CLVS1: variants seen among roughly 807,000 people sequenced by gnomAD.
The protein encoded by CLVS1 is clavesin-1.
A neutral mutation model predicts 33.1 loss-of-function variants in CLVS1; 10 were observed. The ratio of observed to expected loss-of-function variants is 0.30; its 90% CI spans 0.19 to 0.51. The LOEUF (loss-of-function observed/expected upper bound fraction) is 0.51, where lower values mean the gene tolerates loss of function less well. Ranked by LOEUF, CLVS1 falls within the 20% of genes least tolerant of loss-of-function variation. The probability of loss-of-function intolerance (pLI) is 0.97; values close to 1 mark genes in which losing one functional copy is unlikely to be tolerated. For missense variants in CLVS1, 343 were observed against 433.4 expected (o/e 0.79, Z 1.85); for synonymous variants, 163 against 166.1 (o/e 0.98, Z 0.14).
intron 1 of CLVS1, among the ~76,000 whole-genome samples, chr8:61,296,198 C>T (rs35379443): frequency 6.6e-6 from 1 of 152,156 alleles, no homozygotes; most frequent in Non-Finnish European, 1.5e-5. Flanking sequence ...TGGAAAATAT[C>T]TATGTTATCC....
In CLVS1 at chr8:61,299,918, A is replaced by T. The variant is rs762094349; in HGVS notation, c.91A>T (p.Ser31Cys). The change falls in exon 2 of 6, where the codon AGT (serine) becomes TGT (cysteine). Residue 31 changes from serine (S) to cysteine (C), a missense_variant. By Grantham distance (112) the Ser-to-Cys change is moderately radical. This residue lies in a region of CLVS1 where 88 missense variants were observed against 77.3 expected (regional missense o/e 1.14). Coordinates refer to ENST00000325897, the MANE Select transcript of CLVS1 (RefSeq NM_173519.3). ...AKMTHLQAGL[S>C]PETIEKARLE... ...GATGACCCATTTACAGGCTGGACTCAGTCCAGAGACTATAGAGAAAGCTCG... is the reference window on the plus strand; with the variant it reads ...GATGACCCATTTACAGGCTGGACTCTGTCCAGAGACTATAGAGAAAGCTCG... 1.2e-6 allele frequency: 2 copies of T among 1,614,042 alleles called. No individual in the cohort carries two copies. The highest frequency in any genetic ancestry group is 8.5e-7 in the Non-Finnish European group (1 of 1,179,958).
At chr8:61,029,594 T>C in the CLVS1 span, among the ~76,000 whole-genome samples, 1 of 151,694 alleles carries the variant, frequency 6.6e-6, no homozygotes. Flanking sequence ...AAATTTCTTT[T>C]TTTTTTTATT....
intron 5 of CLVS1, among the ~76,000 whole-genome samples, chr8:61,491,701 C>T (rs1804094169): frequency 6.6e-6 from 1 of 151,930 alleles, no homozygotes; most frequent in Non-Finnish European, 1.5e-5. Flanking sequence ...TGGAGTTAGC[C>T]TGATCAAAAA....
At chr8:61,179,295 T>C (rs1807182969) in intron 2 of CLVS1, among the ~76,000 whole-genome samples, 2 of 151,934 alleles carry the variant, frequency 1.3e-5, no homozygotes, top group South Asian at 2.1e-4. Flanking sequence ...AGAAGAGCTA[T>C]CCTAAATATA....
intron 2 of CLVS1, among the ~76,000 whole-genome samples, chr8:61,329,984 G>A (rs561915664): frequency 2.0e-5 from 3 of 152,236 alleles, no homozygotes; most frequent in Admixed American, 2.0e-4. Flanking sequence ...CCTAGCCTCA[G>A]CTTTCTCCAT....
At chr8:60,978,769 C>A in the CLVS1 span, among the ~76,000 whole-genome samples, 1 of 129,210 alleles carries the variant, frequency 7.7e-6, no homozygotes, top group African/African-American at 2.9e-5. Context: ...GAGCCCAGAC[C>A]ACTGCACTCC....
intron 5 of CLVS1, among the ~76,000 whole-genome samples, chr8:61,458,872 CT>C (rs1250047600): frequency 6.6e-6 from 1 of 152,140 alleles, no homozygotes. Context: ...GAAAAACAAC[CT>C]GCTAAAAAAT....
At chr8:61,270,333 T>C (rs1290038715) in intron 2 of CLVS1, among the ~76,000 whole-genome samples, 1 of 152,254 alleles carries the variant, frequency 6.6e-6, no homozygotes, top group Non-Finnish European at 1.5e-5. Context: ...TTTGCGTATA[T>C]TGAACCAGCC....
At chr8:61,290,082 C>G (rs1332095559) in intron 1 of CLVS1, among the ~76,000 whole-genome samples, 1 of 152,200 alleles carries the variant, frequency 6.6e-6, no homozygotes, top group Non-Finnish European at 1.5e-5. Flanking sequence ...AATGGTTCAG[C>G]TCAGAAAATT....
At chr8:61,202,300 T>G in intron 2 of CLVS1, 1 of 642,868 alleles carries the variant, frequency 1.6e-6, no homozygotes, top group Admixed American at 2.5e-5. Flanking sequence ...GGAGCAGCAT[T>G]CGTTTATCTT....
chr8:61,308,797 CTA>C (rs1563488969), intron 2 of CLVS1, among the ~76,000 whole-genome samples: 1 of 152,154 alleles, frequency 6.6e-6, no homozygotes, highest in Non-Finnish European at 1.5e-5. Flanking sequence ...CCACAAGGAT[CTA>C]TGTTTGTACA....
At chr8:61,396,508 A>G (rs1814533119) in intron 3 of CLVS1, among the ~76,000 whole-genome samples, 1 of 152,048 alleles carries the variant, frequency 6.6e-6, no homozygotes, top group Non-Finnish European at 1.5e-5. Context: ...TTTAAAATTT[A>G]ATTTACTTTG....
intron 1 of CLVS1, among the ~76,000 whole-genome samples, chr8:61,077,067 ATCTAATTT>A (rs1191331076): frequency 2.6e-5 from 4 of 151,680 alleles, no homozygotes; most frequent in Non-Finnish European, 5.9e-5. Context: ...AAACCGTATG[ATCTAATTT>A]TCTTTATCTT....
chr8:61,288,112 A>C lies in CLVS1; in HGVS notation c.-178A>C. ...AGGACACCTGCAGAAATACATTCCCAAAGCAAGGCTGGGCGGCCGTGTGAA... is the reference window on the plus strand; with the variant it reads ...AGGACACCTGCAGAAATACATTCCCCAAGCAAGGCTGGGCGGCCGTGTGAA... On this transcript the variant is annotated 5_prime_UTR_variant, in exon 1 of 6. Coordinates refer to ENST00000325897, the MANE Select transcript of CLVS1 (RefSeq NM_173519.3). 2 of 456,272 alleles carry C rather than the reference A, an allele frequency of 4.4e-6. No homozygotes were observed. The highest frequency in any genetic ancestry group is 8.8e-6 in the Non-Finnish European group (2 of 226,958). The allele number at this position is 456,272 out of a possible 1,614,324, so 28.3% of individuals were successfully genotyped here. A position where few individuals can be genotyped will look rare whatever the true frequency, so the allele number is the denominator to read the frequency against.
At chr8:61,017,624 C>T in the CLVS1 span, among the ~76,000 whole-genome samples, 1 of 152,206 alleles carries the variant, frequency 6.6e-6, no homozygotes, top group Non-Finnish European at 1.5e-5. Context: ...GGAAAGCTGC[C>T]ACAAGGACTG....
chr8:61,237,234 A>G (rs944285896), intron 2 of CLVS1, among the ~76,000 whole-genome samples: 1 of 152,210 alleles, frequency 6.6e-6, no homozygotes, highest in African/African-American at 2.4e-5. Context: ...TCACTGTGAT[A>G]GAGTCCATTT....
intron 2 of CLVS1, among the ~76,000 whole-genome samples, chr8:61,332,521 T>A (rs2129597365): frequency 6.6e-6 from 1 of 152,378 alleles, no homozygotes; most frequent in African/African-American, 2.4e-5. Context: ...CCGAAATTTG[T>A]TGATACTTCT....
At chr8:61,359,256 T>A (rs1812872097) in intron 2 of CLVS1, among the ~76,000 whole-genome samples, 1 of 152,240 alleles carries the variant, frequency 6.6e-6, no homozygotes, top group African/African-American at 2.4e-5. Flanking sequence ...CAGACCTTTT[T>A]AAGTTGGTAT....
At chr8:61,085,181 T>C (rs560628718) in intron 1 of CLVS1, among the ~76,000 whole-genome samples, 2 of 152,186 alleles carry the variant, frequency 1.3e-5, no homozygotes, top group Non-Finnish European at 2.9e-5. Flanking sequence ...TCTAAGAGGG[T>C]TGAATAATGT....
Sources: allele counts gnomAD v4.1 joint callset (sites outside exome capture counted in the v4.1 genomes callset), GRCh38; gene constraint gnomAD v4.1.1; regional missense constraint gnomAD v4.1.1; transcripts MANE v1.5; gene names NCBI Gene and HGNC (gene_info 2026-07-23, HGNC 2026-07-21).